SETBP1: variants seen among roughly 807,000 people sequenced by gnomAD.
The protein encoded by SETBP1 is SET binding protein 1, also known as SET-binding protein.
SETBP1 carries 9 observed loss-of-function variants against 101.0 expected under a neutral mutation model. The observed-to-expected ratio is 0.09, with a 90% CI of 0.05 to 0.16. SETBP1 has a LOEUF of 0.16. SETBP1 is among the 10% of genes least tolerant of loss of function. The pLI is 1.00. For synonymous variants in SETBP1, 818 were observed against 788.5 expected (o/e 1.04, Z -0.63); for missense variants, 1,858 against 2,033.8 (o/e 0.91, Z 1.66).
intron 3 of SETBP1, among the ~76,000 whole-genome samples, chr18:44,911,003 G>A (rs974432954): frequency 2.0e-5 from 3 of 152,146 alleles, no homozygotes; most frequent in Non-Finnish European, 4.4e-5. Context: ...ACCCCCTTGT[G>A]TATGTACATG....
intron 3 of SETBP1, among the ~76,000 whole-genome samples, chr18:44,897,509 C>T (rs1463994762): frequency 6.6e-6 from 1 of 152,146 alleles, no homozygotes; most frequent in Non-Finnish European, 1.5e-5. Flanking sequence ...TGGTCTGGGA[C>T]ACATCGGGCT....
chr18:44,888,708 ACTGAC>A (rs1234273378), intron 3 of SETBP1, among the ~76,000 whole-genome samples: 1 of 152,104 alleles, frequency 6.6e-6, no homozygotes, highest in Non-Finnish European at 1.5e-5. Flanking sequence ...CATTGATGCT[ACTGAC>A]AGCTTACCCA....
At chr18:44,814,886 A>G (rs1233786417) in intron 2 of SETBP1, among the ~76,000 whole-genome samples, 1 of 152,200 alleles carries the variant, frequency 6.6e-6, no homozygotes, top group Non-Finnish European at 1.5e-5. Flanking sequence ...AGAGGTGGCT[A>G]TTAAGATAAA....
At chr18:44,910,640 C>T (rs2070284659) in intron 3 of SETBP1, among the ~76,000 whole-genome samples, 1 of 152,178 alleles carries the variant, frequency 6.6e-6, no homozygotes, top group Non-Finnish European at 1.5e-5. Context: ...TCATGAGCAA[C>T]CCTTTTCTTC....
chr18:44,760,021 C>A (rs963757913), intron 2 of SETBP1, among the ~76,000 whole-genome samples: 1 of 152,180 alleles, frequency 6.6e-6, no homozygotes, highest in Non-Finnish European at 1.5e-5. Context: ...AACCTGGGCT[C>A]CTTCTCAGCT....
intron 3 of SETBP1, among the ~76,000 whole-genome samples, chr18:44,944,674 AAT>A (rs1346959592): frequency 6.6e-6 from 1 of 152,172 alleles, no homozygotes; most frequent in African/African-American, 2.4e-5. Context: ...TGTAATCCCA[AAT>A]ATCTTACAAA....
intron 2 of SETBP1, among the ~76,000 whole-genome samples, chr18:44,807,230 T>C (rs927654613): frequency 2.6e-5 from 4 of 152,148 alleles, no homozygotes; most frequent in Admixed American, 2.0e-4. Flanking sequence ...ATTGTACATA[T>C]AGTTTATTTC....
At chr18:45,031,701 T>C (rs928898553) in intron 4 of SETBP1, among the ~76,000 whole-genome samples, 11 of 152,256 alleles carry the variant, frequency 7.2e-5, no homozygotes, top group Admixed American at 6.5e-4. Flanking sequence ...CCAAGCTAGG[T>C]GCCGGGGAAC....
chr18:44,763,895 G>C (rs2070710647), intron 2 of SETBP1, among the ~76,000 whole-genome samples: 1 of 152,078 alleles, frequency 6.6e-6, no homozygotes, highest in African/African-American at 2.4e-5. Flanking sequence ...GAGTGCCTCA[G>C]GGCTCAGTTC....
At chr18:44,688,002 G>A (rs771978171) in intron 1 of SETBP1, among the ~76,000 whole-genome samples, 3 of 152,158 alleles carry the variant, frequency 2.0e-5, no homozygotes, top group Non-Finnish European at 4.4e-5. Context: ...GATTTGGGTT[G>A]GAGTAGGATC....
intron 2 of SETBP1, among the ~76,000 whole-genome samples, chr18:44,748,574 T>C (rs1014454260): frequency 2.3e-4 from 35 of 152,350 alleles, no homozygotes; most frequent in African/African-American, 8.2e-4. Flanking sequence ...TCAGTTGATA[T>C]CATGAACTCA....
chr18:44,861,161 C>T (rs2068998389), intron 2 of SETBP1, among the ~76,000 whole-genome samples: 1 of 151,906 alleles, frequency 6.6e-6, no homozygotes, highest in South Asian at 2.1e-4. Context: ...CAAGGCCCTT[C>T]CATGAAATTC....
chr18:44,982,443 C>T (rs1292346533), intron 4 of SETBP1, among the ~76,000 whole-genome samples: 1 of 152,204 alleles, frequency 6.6e-6, no homozygotes, highest in Admixed American at 6.5e-5. Flanking sequence ...CCTGCCTAAA[C>T]TCTTTTTAAA....
rs960347503 is a variant in SETBP1 at position 44,832,466 on chromosome 18, T to C, written c.487-36764T>C. Among the ~76,000 whole-genome samples the C allele has an allele frequency of 9.2e-5, 14 of 152,226 alleles. No individual in the cohort carries two copies. In the East Asian group the frequency reaches 2.7e-3, roughly 29 times the overall value. ...TCAGAAACACATCATCAGAGAAACA[T>C]GGCAGTCAGGGCGAGCCCCTCTAGC... On this transcript the variant is annotated intron_variant, in intron 2 of 5. Coordinates refer to ENST00000649279, the MANE Select transcript of SETBP1 (RefSeq NM_015559.3).
chr18:44,781,788 A>G lies in SETBP1; in HGVS notation c.486+79956A>G, dbSNP rs529995706. 2.6e-5 allele frequency among the ~76,000 whole-genome samples: 4 copies of G among 152,288 alleles called. No individual in the cohort carries two copies. In the South Asian group the frequency reaches 8.3e-4, roughly 32 times the overall value. On this transcript the variant is annotated intron_variant, in intron 2 of 5. Coordinates refer to ENST00000649279, the MANE Select transcript of SETBP1 (RefSeq NM_015559.3). ...TTCTCTTCCCATGTCTGCCCTTGAG[A>G]AGCTGAGCAAATGGAGCCAAGCTGC...
At chr18:44,752,121 A>G (rs1438981892) in intron 2 of SETBP1, among the ~76,000 whole-genome samples, 5 of 152,024 alleles carry the variant, frequency 3.3e-5, no homozygotes, top group African/African-American at 1.2e-4. Flanking sequence ...ACATTTAAAT[A>G]CAGGGAAAAA....
chr18:45,037,811 G>A (rs575719190), intron 4 of SETBP1, among the ~76,000 whole-genome samples: 151 of 152,164 alleles, frequency 9.9e-4, no homozygotes, highest in African/African-American at 3.6e-3. Flanking sequence ...TACCCTACAG[G>A]CTGATGACAC....
chr18:44,743,044 C>T (rs1256719014), intron 2 of SETBP1, among the ~76,000 whole-genome samples: 3 of 151,084 alleles, frequency 2.0e-5, no homozygotes, highest in Non-Finnish European at 4.4e-5. Flanking sequence ...TCTCTTCCTC[C>T]CTCCTTCTCT....
intron 4 of SETBP1, among the ~76,000 whole-genome samples, chr18:45,028,117 C>T (rs979949855): frequency 3.3e-5 from 5 of 151,172 alleles, no homozygotes; most frequent in Non-Finnish European, 7.4e-5. Flanking sequence ...CCCATTAACT[C>T]GTCATTTAGC....
Sources: allele counts gnomAD v4.1 joint callset (sites outside exome capture counted in the v4.1 genomes callset), GRCh38; gene constraint gnomAD v4.1.1; transcripts MANE v1.5; gene names NCBI Gene and HGNC (gene_info 2026-07-23, HGNC 2026-07-21).